Variants in ERMP1 observed in about 807,000 individuals in gnomAD.
The protein encoded by ERMP1 is endoplasmic reticulum metallopeptidase 1, also known as Felix-ina.
Under a neutral mutation model 92.0 loss-of-function variants are expected in ERMP1, and 86 were observed. That is an observed-to-expected ratio of 0.93 (90% CI 0.79 to 1.12). The LOEUF (loss-of-function observed/expected upper bound fraction) is 1.12. Ranked by LOEUF, ERMP1 falls within the 50% of genes most tolerant of loss-of-function variation. The probability of loss-of-function intolerance (pLI) is 0.00; values close to 1 mark genes in which losing one functional copy is unlikely to be tolerated. For synonymous variants in ERMP1, 530 were observed against 412.8 expected (o/e 1.28, Z -3.44); for missense variants, 1,342 against 1,116.3 (o/e 1.20, Z -2.88).
At chr9:5,823,582 C>G (rs1274744266) in intron 4 of ERMP1, among the ~76,000 whole-genome samples, 2 of 152,168 alleles carry the variant, frequency 1.3e-5, no homozygotes. Context: ...AAGTTATAAT[C>G]TCTCTGGACT....
chr9:5,839,115 T>C (rs189761175), intron 6 of ERMP1, among the ~76,000 whole-genome samples: 25 of 152,306 alleles, frequency 1.6e-4, no homozygotes, highest in Non-Finnish European at 2.6e-4. Context: ...GAATGCAATG[T>C]CAAAAAGCTG....
At chr9:5,845,570 C>G (rs576233349) in intron 6 of ERMP1, among the ~76,000 whole-genome samples, 1 of 152,098 alleles carries the variant, frequency 6.6e-6, no homozygotes, top group Non-Finnish European at 1.5e-5. Flanking sequence ...TTCTTCCAGC[C>G]TGTGGATTAA....
intron 10 of ERMP1, among the ~76,000 whole-genome samples, chr9:5,804,758 C>G (rs182914688): frequency 6.6e-6 from 1 of 152,140 alleles, no homozygotes; most frequent in East Asian, 1.9e-4. Context: ...AATTCACACT[C>G]AGGTATCTGA....
chr9:5,831,220 C>G (rs774989847), intron 1 of ERMP1, among the ~76,000 whole-genome samples, 192 bp from the exon 2 acceptor site: 1 of 152,128 alleles, frequency 6.6e-6, no homozygotes, highest in Non-Finnish European at 1.5e-5. Flanking sequence ...ATTGTTGCCT[C>G]CCACGAGTTG....
intron 3 of ERMP1, among the ~76,000 whole-genome samples, chr9:5,824,749 C>T (rs889908305): frequency 2.6e-5 from 4 of 152,130 alleles, no homozygotes; most frequent in Non-Finnish European, 5.9e-5. Flanking sequence ...GGAGAAGAGA[C>T]GATCCATATG....
chr9:5,810,864 A>C (rs1829064650), intron 7 of ERMP1, among the ~76,000 whole-genome samples: 2 of 152,220 alleles, frequency 1.3e-5, no homozygotes, highest in South Asian at 4.1e-4. Context: ...ATCTGTACAA[A>C]CCATTTTTCA....
At chr9:5,797,961 G>A (rs1305190894) in intron 12 of ERMP1, 29 bp from the exon 13 acceptor site, 1 of 1,409,946 alleles carries the variant, frequency 7.1e-7, no homozygotes, top group Admixed American at 1.7e-5. Flanking sequence ...TCAGTTTTAG[G>A]GTGCTTTATT....
chr9:5,843,349 A>C (rs1256641913), intron 6 of ERMP1, among the ~76,000 whole-genome samples: 2 of 152,238 alleles, frequency 1.3e-5, no homozygotes, highest in Non-Finnish European at 2.9e-5. Context: ...GTTGGAAACA[A>C]ATTTAAAAAG....
intron 1 of ERMP1, among the ~76,000 whole-genome samples, chr9:5,832,227 G>C (rs1829969072): frequency 6.6e-6 from 1 of 152,168 alleles, no homozygotes; most frequent in African/African-American, 2.4e-5. Context: ...ATAGCCTTCA[G>C]ATGTGGGGGC....
chr9:5,814,242 C>T (rs1829218299), intron 4 of ERMP1, among the ~76,000 whole-genome samples: 1 of 152,038 alleles, frequency 6.6e-6, no homozygotes, highest in Non-Finnish European at 1.5e-5. Flanking sequence ...AACCGTGGAC[C>T]ATAACTGCAG....
chr9:5,838,129 T>C (rs936208305), intron 6 of ERMP1, among the ~76,000 whole-genome samples: 8 of 152,158 alleles, frequency 5.3e-5, no homozygotes, highest in African/African-American at 1.9e-4. Context: ...TTTTTTAAAA[T>C]TATAATATGC....
chr9:5,866,659 G>C (rs1000923732), intron 5 of ERMP1, among the ~76,000 whole-genome samples: 1 of 152,208 alleles, frequency 6.6e-6, no homozygotes, highest in East Asian at 1.9e-4. Flanking sequence ...AATTTGAACA[G>C]AAGGTCTTCA....
upstream of ERMP1, among the ~76,000 whole-genome samples, chr9:5,833,465 C>G (rs1830036416): frequency 6.6e-6 from 1 of 152,170 alleles, no homozygotes; most frequent in African/African-American, 2.4e-5. Flanking sequence ...GTTCCTGGCT[C>G]TTAAAATTAG....
chr9:5,811,352 A>C (rs760328670), intron 6 of ERMP1, 29 bp from the exon 7 acceptor site: 1 of 1,532,822 alleles, frequency 6.5e-7, no homozygotes, highest in Non-Finnish European at 8.9e-7. Context: ...AAAAAAAGAA[A>C]GAAAAGGAAA....
rs1252199994 is a variant in ERMP1 at position 5,785,122 on chromosome 9, C to G, written c.*2022G>C. On this transcript the variant is annotated 3_prime_UTR_variant, in exon 15 of 15. Transcript: ENST00000339450. ...GACTAGTGAGCATCTTACTACTGAC[C>G]TTGTACAATACCAAAGCTTCATAAT... The G allele has an allele frequency of 6.6e-6, 1 of 152,102 alleles. No homozygotes were observed. Among genetic ancestry groups the G allele is most frequent in the Non-Finnish European group, 1.5e-5 (1 of 68,026 alleles). 9.4% of individuals were successfully genotyped at this position (152,102 alleles called of 1,614,324 possible).
rs1291047410 is a variant in ERMP1, at chr9:5,801,245, A to G, written c.1998T>C (p.Val666=). 1 of 1,614,008 alleles carries G rather than the reference A, an allele frequency of 6.2e-7. No individual in the cohort carries two copies. Among genetic ancestry groups the G allele is most frequent in the Admixed American group, 1.7e-5 (1 of 60,008 alleles). Residue 666 remains valine (V), a synonymous_variant, in exon 11 of 15, where the codon GTT becomes GTC. Transcript: ENST00000339450. ...TATATGGAAAAAATGTTCCACTGCA[A>G]ACAAGGAGGAATGTAATTGCACATA... ...TLVCAITFLL[V]CSGTFFPYSS...
chr9:5,811,308 G>A lies in ERMP1; in HGVS notation c.1130C>T (p.Ala377Val). Residue 377 changes from alanine to valine, a missense_variant, in exon 7 of 15, where the codon GCA (alanine) becomes GTA (valine). Physicochemically the swap from Ala to Val is moderately conservative, Grantham distance 64. Coordinates refer to ENST00000339450, the MANE Select transcript of ERMP1 (RefSeq NM_024896.3). ...SIQRAGDNILAVLKHLATSDM... is the reference protein window; with the variant it reads ...SIQRAGDNILVVLKHLATSDM... ...AGATGTAGCTAGATGCTTAAGAACT[G>A]CTAAAATGTTGTCACCTATTAGTAA... The A allele has an allele frequency of 8.7e-6, 14 of 1,608,054 alleles. No individual in the cohort carries two copies. The highest frequency in any genetic ancestry group is 1.2e-5 in the Non-Finnish European group (14 of 1,177,560).
intron 5 of ERMP1, among the ~76,000 whole-genome samples, chr9:5,864,968 T>C (rs1830608809): frequency 6.6e-6 from 1 of 152,196 alleles, no homozygotes; most frequent in Admixed American, 6.5e-5. Context: ...TTTGGAGAGT[T>C]GTTTCATGGA....
intron 6 of ERMP1, 67 bp from the exon 7 acceptor site, chr9:5,811,390 G>A: frequency 1.7e-6 from 2 of 1,195,718 alleles, no homozygotes; most frequent in Non-Finnish European, 2.4e-6. Flanking sequence ...TAAACTATTT[G>A]TGATTTACAC....
Sources: gnomAD v4.1 joint callset for allele counts (sites outside exome capture counted in the v4.1 genomes callset) on GRCh38, gnomAD v4.1.1 for gene constraint, MANE v1.5 for transcripts, NCBI Gene and HGNC (gene_info 2026-07-23, HGNC 2026-07-21) for gene names.